LEPR: variants seen among roughly 807,000 people sequenced by gnomAD.
LEPR encodes OB receptor.
LEPR carries 56 observed loss-of-function variants against 114.7 expected under a neutral mutation model. The ratio of observed to expected loss-of-function variants is 0.49; its 90% CI spans 0.39 to 0.61. The LOEUF is 0.61. LEPR is among the 20% of genes least tolerant of loss of function. The probability of loss-of-function intolerance (pLI) is 0.00; values close to 1 mark genes in which losing one functional copy is unlikely to be tolerated. For missense variants in LEPR, 1,202 were observed against 1,352.9 expected (o/e 0.89, Z 1.75); for synonymous variants, 443 against 461.4 (o/e 0.96, Z 0.51).
intron 5 of LEPR, among the ~76,000 whole-genome samples, chr1:65,590,677 T>A (rs1655636150): frequency 6.6e-6 from 1 of 152,110 alleles, no homozygotes; most frequent in African/African-American, 2.4e-5. Flanking sequence ...CTTCCCTTTA[T>A]AAATTACCCA....
At chr1:65,473,908 A>G (rs1019442322) in intron 2 of LEPR, among the ~76,000 whole-genome samples, 3 of 152,238 alleles carry the variant, frequency 2.0e-5, no homozygotes, top group Admixed American at 2.0e-4. Context: ...ATGTTGTCTA[A>G]TCAATATTAC....
intron 2 of LEPR, among the ~76,000 whole-genome samples, chr1:65,431,377 G>A (rs1170855102): frequency 6.6e-6 from 1 of 152,170 alleles, no homozygotes; most frequent in Non-Finnish European, 1.5e-5. Context: ...TCAGTTGTAT[G>A]AAGACTATTA....
At chr1:65,580,333 A>G (rs1026009744) in intron 5 of LEPR, among the ~76,000 whole-genome samples, 5 of 152,222 alleles carry the variant, frequency 3.3e-5, no homozygotes, top group Non-Finnish European at 7.3e-5. Context: ...ATTACTATAG[A>G]AAAGCTTTGA....
intron 2 of LEPR, among the ~76,000 whole-genome samples, chr1:65,536,242 C>CT (rs1346364533): frequency 6.6e-6 from 1 of 152,094 alleles, no homozygotes; most frequent in East Asian, 1.9e-4. Flanking sequence ...AAGAGCTTGG[C>CT]TTGTCCCTCC....
chr1:65,547,065 C>CATG (rs1651802076), intron 2 of LEPR, among the ~76,000 whole-genome samples: 1 of 151,894 alleles, frequency 6.6e-6, no homozygotes, highest in Non-Finnish European at 1.5e-5. Context: ...TTGAGATAAT[C>CATG]ATGTGGTTTT....
intron 2 of LEPR, among the ~76,000 whole-genome samples, chr1:65,509,402 G>A (rs1648920066): frequency 6.6e-6 from 1 of 152,140 alleles, no homozygotes; most frequent in Non-Finnish European, 1.5e-5. Context: ...ATGAAAGGAT[G>A]TTTAATTCTG....
intron 2 of LEPR, among the ~76,000 whole-genome samples, chr1:65,471,629 G>T (rs1427326914): frequency 1.3e-5 from 2 of 152,126 alleles, no homozygotes; most frequent in East Asian, 3.9e-4. Context: ...ATCTTTGATG[G>T]ACAAACAGAG....
intron 2 of LEPR, among the ~76,000 whole-genome samples, chr1:65,468,740 C>T (rs1010346753): frequency 3.9e-5 from 6 of 152,160 alleles, no homozygotes; most frequent in African/African-American, 1.4e-4. Flanking sequence ...TTCAACAGTT[C>T]GTTGGTGTGA....
Position 65,633,057 on chromosome 1 carries a change from C to A in LEPR, c.2674-3134C>A. 1.0e-6 allele frequency: 1 copy of A among 991,412 alleles called. No individual in the cohort carries two copies. The highest frequency in any genetic ancestry group is 1.5e-6 in the Non-Finnish European group (1 of 647,404). 61.4% of individuals were successfully genotyped at this position (991,412 alleles called of 1,614,324 possible). A position where few individuals can be genotyped will look rare whatever the true frequency, so the allele number is the denominator to read the frequency against. ...AACACAAAAATTTATAGTCCAGAAC[C>A]CATGCTTGACAATGTTTTTTGAAAT... On this transcript the variant is annotated intron_variant, in intron 19 of 19. Coordinates refer to ENST00000349533, the MANE Select transcript of LEPR (RefSeq NM_002303.6). The surrounding 1 kb of genome is among the most constrained non-coding windows in gnomAD (Gnocchi z 4.1).
At chr1:65,582,263 A>G (rs1187735243) in intron 5 of LEPR, among the ~76,000 whole-genome samples, 1 of 152,212 alleles carries the variant, frequency 6.6e-6, no homozygotes, top group Non-Finnish European at 1.5e-5. Context: ...GTGGGGTGGA[A>G]TGGGAAAGGA....
At chr1:65,608,324 G>A (rs968909711) in intron 11 of LEPR, among the ~76,000 whole-genome samples, 2 of 151,534 alleles carry the variant, frequency 1.3e-5, no homozygotes, top group African/African-American at 2.4e-5. Flanking sequence ...TTCACCTCCC[G>A]GGTTCATGCC....
intron 2 of LEPR, among the ~76,000 whole-genome samples, chr1:65,455,699 G>A (rs1570482186): frequency 6.6e-6 from 1 of 152,202 alleles, no homozygotes; most frequent in East Asian, 1.9e-4. Context: ...GTCAGACAGG[G>A]ACATTTAAGT....
chr1:65,590,237 G>A (rs1655594678), intron 5 of LEPR, among the ~76,000 whole-genome samples: 1 of 50,260 alleles, frequency 2.0e-5, no homozygotes. Flanking sequence ...TATAAATTCA[G>A]TATCATAAAA....
At chr1:65,493,978 T>C (rs115723086) in intron 2 of LEPR, 95 of 152,280 alleles carry the variant, frequency 6.2e-4, no homozygotes, top group African/African-American at 2.1e-3. Context: ...GAGTAAGAAG[T>C]TGGCACAAGG....
In LEPR at chr1:65,492,201, C is replaced by T. The variant is rs114976563; in HGVS notation, c.-21+66823C>T. On this transcript the variant is annotated intron_variant, in intron 2 of 19. Coordinates refer to ENST00000349533, the MANE Select transcript of LEPR (RefSeq NM_002303.6). ...ACTCATTATCTTCTCTACTTTACCC[C>T]CAGTGCACCCAGGCTCCAAACTCCA... 6.1e-3 allele frequency among the ~76,000 whole-genome samples: 931 copies of T among 152,130 alleles called. 10 individuals are homozygous for T. Among genetic ancestry groups the T allele is most frequent in the African/African-American group, 0.021 (890 of 41,528 alleles).
intron 8 of LEPR, among the ~76,000 whole-genome samples, chr1:65,600,869 C>T (rs185795542): frequency 2.8e-4 from 43 of 151,946 alleles, no homozygotes; most frequent in Admixed American, 2.2e-3. Context: ...ATCATTCATA[C>T]GACATTCCTA....
intron 2 of LEPR, among the ~76,000 whole-genome samples, chr1:65,499,412 G>T (rs953897970): frequency 7.2e-5 from 11 of 152,078 alleles, no homozygotes; most frequent in African/African-American, 2.4e-4. Flanking sequence ...TTCAACATGA[G>T]CTGTAGGTTG....
intron 2 of LEPR, among the ~76,000 whole-genome samples, chr1:65,534,654 G>C (rs920500277): frequency 5.9e-5 from 9 of 152,190 alleles, no homozygotes; most frequent in Admixed American, 5.9e-4. Flanking sequence ...GGGAGAAAGA[G>C]AATGAATGAG....
chr1:65,598,718 C>T lies in LEPR; in HGVS notation c.908C>T (p.Ser303Leu), dbSNP rs142544404. The T allele has an allele frequency of 1.9e-5, 31 of 1,613,440 alleles. No homozygotes were observed. Among genetic ancestry groups the T allele is most frequent in the Middle Eastern group, 1.7e-4 (1 of 6,006 alleles). ...LLVDSILPGS[S>L]YEVQVRGKRL... ...GTAGACAGTATACTTCCTGGGTCTT[C>T]GTATGAGGTTCAGGTGAGGGGCAAG... The change falls in exon 8 of 20, where the codon TCG becomes TTG. Residue 303 changes from serine to leucine, a missense_variant. Transcript: ENST00000349533.
Sources: allele counts gnomAD v4.1 joint callset (sites outside exome capture counted in the v4.1 genomes callset), GRCh38; gene constraint gnomAD v4.1.1; non-coding constraint Gnocchi (gnomAD v3.1); transcripts MANE v1.5; gene names NCBI Gene and HGNC (gene_info 2026-07-23, HGNC 2026-07-21).